STRADB: variants seen among roughly 807,000 people sequenced by gnomAD.
The protein encoded by STRADB is STE20 related adaptor beta, also known as STE20-related kinase adapter protein beta.
In STRADB, 34 loss-of-function variants were observed where a neutral mutation model predicts 52.1. That is an observed-to-expected ratio of 0.65 (90% CI 0.50 to 0.87). STRADB has a LOEUF of 0.87. STRADB is among the 40% of genes least tolerant of loss of function. STRADB has a pLI of 0.00. For synonymous variants in STRADB, 133 were observed against 174.5 expected, an observed-to-expected ratio of 0.76 and a Z score of 1.87; for missense variants, 340 against 483.9, an observed-to-expected ratio of 0.70 and a Z score of 2.79.
intron 2 of STRADB, 60 bp from the exon 3 acceptor site, chr2:201,458,724 A>G: frequency 6.7e-7 from 1 of 1,491,824 alleles, no homozygotes; most frequent in South Asian, 1.2e-5. Flanking sequence ...GTATCTACAT[A>G]CCACCCCTGC....
In STRADB at chr2:201,480,212, C is replaced by CT. The variant is rs562865609; in HGVS notation, c.*40dup. The CT allele has an allele frequency of 6.2e-7, 1 of 1,600,162 alleles. No homozygotes were observed. The highest frequency in any genetic ancestry group is 8.5e-7 in the Non-Finnish European group (1 of 1,172,986). On this transcript the variant is annotated 3_prime_UTR_variant, in exon 12 of 12. Coordinates refer to ENST00000194530, the MANE Select transcript of STRADB (RefSeq NM_018571.6). ...CATTTTATGTCCTATATACTTGACA[C>CT]TTTCTCCTTGCTGCTTTTTCTTCTG...
chr2:201,466,894 A>G (rs1424487476), intron 3 of STRADB, among the ~76,000 whole-genome samples: 1 of 152,216 alleles, frequency 6.6e-6, no homozygotes, highest in East Asian at 1.9e-4. Context: ...AAAAATAGTC[A>G]TCATAGAAAA....
chr2:201,458,945 T>G (rs758688139), intron 3 of STRADB, 81 bp downstream of exon 3: 107 of 1,291,742 alleles, frequency 8.3e-5, no homozygotes, highest in Non-Finnish European at 1.1e-4. Context: ...GAGAATCACT[T>G]GAGCCTAGGA....
intron 1 of STRADB, among the ~76,000 whole-genome samples, chr2:201,453,896 C>G (rs917882506): frequency 2.0e-5 from 3 of 152,194 alleles, no homozygotes; most frequent in African/African-American, 7.2e-5. Flanking sequence ...TCCTCCCAAT[C>G]TCTACCTTTG....
At chr2:201,479,194 AT>A (rs1190717471) in intron 10 of STRADB, 1 of 249,972 alleles carries the variant, frequency 4.0e-6, no homozygotes, top group Non-Finnish European at 7.5e-6. Context: ...TAATTAGCAC[AT>A]TTACGTTAAG....
chr2:201,462,219 C>T (rs11678541), intron 3 of STRADB, among the ~76,000 whole-genome samples: 7,396 of 152,140 alleles, frequency 0.049, 262 homozygotes, highest in Non-Finnish European at 0.075. Context: ...ATGTGTATAT[C>T]GATTCCTGTT....
chr2:201,462,472 G>A (rs1044838319), intron 3 of STRADB, among the ~76,000 whole-genome samples: 2 of 151,780 alleles, frequency 1.3e-5, no homozygotes, highest in Non-Finnish European at 1.5e-5. Context: ...CTTCCTTCCT[G>A]TCTTCTTCTT....
intron 7 of STRADB, among the ~76,000 whole-genome samples, chr2:201,477,192 G>A (rs566695258): frequency 6.9e-6 from 1 of 144,476 alleles, no homozygotes; most frequent in Admixed American, 7.2e-5. Context: ...AGCCTCCCAA[G>A]TAGCTGGGAC....
intron 4 of STRADB, 96 bp downstream of exon 4, chr2:201,470,148 C>G: frequency 1.1e-6 from 1 of 891,240 alleles, no homozygotes; most frequent in Non-Finnish European, 1.8e-6. Context: ...CTGTTGTTAC[C>G]TCCAGCATAA....
chr2:201,468,787 A>T (rs1337014365), intron 3 of STRADB, among the ~76,000 whole-genome samples: 2 of 152,196 alleles, frequency 1.3e-5, no homozygotes, highest in African/African-American at 4.8e-5. Flanking sequence ...CACTTAAAAA[A>T]TTTTTAAAGC....
At chr2:201,469,862 G>T (rs2125678989) in intron 3 of STRADB, 91 bp from the exon 4 acceptor site, 5 of 915,080 alleles carry the variant, frequency 5.5e-6, no homozygotes, top group Non-Finnish European at 8.7e-6. Context: ...GAGCACCTCT[G>T]TGTTTGAAAA....
At chr2:201,463,098 G>A (rs1952242641) in intron 3 of STRADB, among the ~76,000 whole-genome samples, 1 of 152,182 alleles carries the variant, frequency 6.6e-6, no homozygotes, top group Non-Finnish European at 1.5e-5. Flanking sequence ...AGCACTTTGG[G>A]AGGCCAGGGT....
At position 201,478,143 on chromosome 2, in the gene STRADB, T is replaced by C; in HGVS notation, c.777T>C (p.Cys259=). Residue 259 remains cysteine (C), a synonymous_variant, in exon 9 of 12, where the codon TGT becomes TGC. Coordinates refer to ENST00000194530, the MANE Select transcript of STRADB (RefSeq NM_018571.6). ...SDIYSVGITA[C]ELASGQVPFQ... ...TTTACAGTGTTGGGATTACAGCATGTGAATTAGCCAGTGGGCAGGTGCCTT... is the reference window on the plus strand; with the variant it reads ...TTTACAGTGTTGGGATTACAGCATGCGAATTAGCCAGTGGGCAGGTGCCTT... The C allele has an allele frequency of 6.2e-7, 1 of 1,613,880 alleles. No individual in the cohort carries two copies. The highest frequency in any genetic ancestry group is 8.5e-7 in the Non-Finnish European group (1 of 1,179,928).
In STRADB at chr2:201,474,710, A is replaced by G. The variant is rs1292985015; in HGVS notation, c.379A>G (p.Thr127Ala). 1 of 1,611,742 alleles carries G rather than the reference A, an allele frequency of 6.2e-7. No homozygotes were observed. Among genetic ancestry groups the G allele is most frequent in the African/African-American group, 1.3e-5 (1 of 74,898 alleles). The part of the protein sequence containing the change: ...PNITTYWTVF[T>A]VGSWLWVISP... The stretch of plus-strand genomic sequence containing the variant: ...TATTACAACTTATTGGACAGTTTTC[A>G]CTGTTGGCAGCTGGCTTTGGGTTAT... The change falls in exon 6 of 12, where the codon ACT (threonine) becomes GCT (alanine). Residue 127 changes from threonine to alanine, a missense_variant. Thr to Ala is a moderately conservative substitution (Grantham distance 58, BLOSUM62 0). Coordinates refer to ENST00000194530, the MANE Select transcript of STRADB (RefSeq NM_018571.6).
chr2:201,473,125 G>T, intron 5 of STRADB, 49 bp downstream of exon 5: 1 of 1,537,280 alleles, frequency 6.5e-7, no homozygotes, highest in East Asian at 2.4e-5. Context: ...GTATCCACTG[G>T]TTCCACATCT....
intron 3 of STRADB, among the ~76,000 whole-genome samples, chr2:201,463,078 C>T (rs1952242162): frequency 6.6e-6 from 1 of 152,198 alleles, no homozygotes; most frequent in South Asian, 2.1e-4. Flanking sequence ...TGGCTCACAC[C>T]TGTAATCCCA....
At chr2:201,466,695 A>G (rs1405916321) in intron 3 of STRADB, among the ~76,000 whole-genome samples, 3 of 152,180 alleles carry the variant, frequency 2.0e-5, no homozygotes, top group Admixed American at 6.5e-5. Context: ...TTCATTTTCT[A>G]TAGTTAACCT....
chr2:201,477,583 T>C, intron 7 of STRADB, 36 bp from the exon 8 acceptor site: 2 of 1,568,916 alleles, frequency 1.3e-6, no homozygotes, highest in Non-Finnish European at 1.7e-6. Context: ...CATTGGCCAG[T>C]TTCCTGTTAC....
Position 201,454,798 on chromosome 2 carries a change from T to C in STRADB, c.-43T>C. On this transcript the variant is annotated 5_prime_UTR_variant, in exon 2 of 12. Coordinates refer to ENST00000194530, the MANE Select transcript of STRADB (RefSeq NM_018571.6). ...GATAAAACAAAAGCCTTCTTTGGAA[T>C]AGATGGATTTTTGTCACTTTCTGTG... 1 of 1,588,808 alleles carries C rather than the reference T, an allele frequency of 6.3e-7. No homozygotes were observed. The highest frequency in any genetic ancestry group is 8.6e-7 in the Non-Finnish European group (1 of 1,167,492).
Sources: gnomAD v4.1 joint callset for allele counts (sites outside exome capture counted in the v4.1 genomes callset) on GRCh38, gnomAD v4.1.1 for gene constraint, MANE v1.5 for transcripts, NCBI Gene and HGNC (gene_info 2026-07-23, HGNC 2026-07-21) for gene names.